Variants in SLC1A2 observed in about 807,000 individuals in gnomAD.
SLC1A2 encodes the protein solute carrier family 1 member 2.
A neutral mutation model predicts 48.8 loss-of-function variants in SLC1A2; 15 were observed. The observed-to-expected ratio is 0.31, with a 90% CI of 0.21 to 0.47. The LOEUF (loss-of-function observed/expected upper bound fraction) is 0.47, where lower values mean the gene tolerates loss of function less well. Ranked by LOEUF, SLC1A2 falls within the 20% of genes least tolerant of loss-of-function variation. The pLI is 0.99. For synonymous variants in SLC1A2, 279 were observed against 272.6 expected, an observed-to-expected ratio of 1.02 and a Z score of -0.23; for missense variants, 502 against 730.5, an observed-to-expected ratio of 0.69 and a Z score of 3.61.
At position 35,301,652 on chromosome 11, in the gene SLC1A2, GA is replaced by G. The variant is rs776609023; in HGVS notation, c.731-8del. The G allele has an allele frequency of 6.2e-7, 1 of 1,612,632 alleles. No individual in the cohort carries two copies. The highest frequency in any genetic ancestry group is 8.5e-7 in the Non-Finnish European group (1 of 1,179,364). On this transcript the variant is annotated splice_region_variant and splice_polypyrimidine_tract_variant and intron_variant, in intron 5 of 10. Transcript: ENST00000278379. ...ATGAAAAACCCTATCAGACCTGTTGGATGAATCACATTACATAGAAGGACAA... is the reference window on the plus strand; with the variant it reads ...ATGAAAAACCCTATCAGACCTGTTGGTGAATCACATTACATAGAAGGACAA...
intron 9 of SLC1A2, among the ~76,000 whole-genome samples, chr11:35,269,008 C>T (rs1186325944): frequency 6.6e-6 from 1 of 152,292 alleles, no homozygotes; most frequent in South Asian, 2.1e-4. Context: ...CCCCAAAATT[C>T]ATATGACGAA....
intron 1 of SLC1A2, among the ~76,000 whole-genome samples, chr11:35,406,487 A>G (rs1855300664): frequency 6.6e-6 from 1 of 152,140 alleles, no homozygotes; most frequent in Non-Finnish European, 1.5e-5. Flanking sequence ...GGACCAAAGC[A>G]TGCTCCAGGA....
chr11:35,308,836 A>G (rs1313427863), intron 4 of SLC1A2, among the ~76,000 whole-genome samples: 1 of 152,154 alleles, frequency 6.6e-6, no homozygotes, highest in African/African-American at 2.4e-5. Context: ...GCAAAACCAT[A>G]AACTGACCTA....
At chr11:35,291,201 A>G (rs1192443422) in intron 7 of SLC1A2, among the ~76,000 whole-genome samples, 1 of 152,114 alleles carries the variant, frequency 6.6e-6, no homozygotes, top group Admixed American at 6.5e-5. Context: ...TAAAACAATG[A>G]TTGCAAGCTG....
chr11:35,287,299 AC>A (rs1850855651), intron 7 of SLC1A2, among the ~76,000 whole-genome samples: 1 of 151,890 alleles, frequency 6.6e-6, no homozygotes, highest in African/African-American at 2.4e-5. Flanking sequence ...AAAAAAAAAA[AC>A]AAAAGCCAGC....
intron 1 of SLC1A2, among the ~76,000 whole-genome samples, chr11:35,346,371 AG>A (rs2135059255): frequency 6.6e-6 from 1 of 152,202 alleles, no homozygotes; most frequent in Admixed American, 6.5e-5. Context: ...ACCCTTTATG[AG>A]CCTCCCCAAG....
chr11:35,280,009 A>C (rs1275610638), intron 9 of SLC1A2, among the ~76,000 whole-genome samples: 2 of 152,204 alleles, frequency 1.3e-5, no homozygotes. Context: ...TACCCATTTT[A>C]AGTGTGTGTT....
chr11:35,296,140 A>G (rs1309805107), intron 6 of SLC1A2, among the ~76,000 whole-genome samples: 1 of 152,198 alleles, frequency 6.6e-6, no homozygotes, highest in African/African-American at 2.4e-5. Context: ...AGCTCCAACT[A>G]CTTCAGGATC....
In SLC1A2 at chr11:35,261,454, G is replaced by A. The variant is rs564463228; in HGVS notation, c.1654-489C>T. 1.4e-4 allele frequency among the ~76,000 whole-genome samples: 22 copies of A among 152,208 alleles called. No individual in the cohort carries two copies. The South Asian group carries it at 4.1e-3, about 29-fold the overall frequency. ...ATGACATTTCAGCTGTGCCAAATAA[G>A]CTATCCCAGCTTTAAAGATTAAAAA... On this transcript the variant is annotated intron_variant, in intron 10 of 10. Coordinates refer to ENST00000278379, the MANE Select transcript of SLC1A2 (RefSeq NM_004171.4).
rs1282020994 is a variant in SLC1A2, at chr11:35,395,946, G to A, written c.17+23004C>T. On this transcript the variant is annotated intron_variant, in intron 1 of 10. Coordinates refer to ENST00000278379, the MANE Select transcript of SLC1A2 (RefSeq NM_004171.4). ...GCGGTGTTTGGTTTTTTGTTCTTGC[G>A]ATAGATTACTGAGAATGATGATTTC... Among the ~76,000 whole-genome samples the A allele has an allele frequency of 4.0e-5, 6 of 148,452 alleles. 1 individual carries two copies. The highest frequency in any genetic ancestry group is 1.3e-4 in the Admixed American group (2 of 14,954).
intron 1 of SLC1A2, among the ~76,000 whole-genome samples, chr11:35,356,679 A>G (rs1853481081): frequency 6.6e-6 from 1 of 152,238 alleles, no homozygotes; most frequent in Admixed American, 6.5e-5. Flanking sequence ...CTTGTCTTGA[A>G]ACAGACTAAG....
At chr11:35,371,070 T>C (rs1168905889) in intron 1 of SLC1A2, 1 of 984,612 alleles carries the variant, frequency 1.0e-6, no homozygotes, top group African/African-American at 1.8e-5. Flanking sequence ...TGGAGTTGAC[T>C]CATCTGTGTT....
chr11:35,314,917 A>T, intron 3 of SLC1A2, 106 bp downstream of exon 3: 1 of 762,862 alleles, frequency 1.3e-6, no homozygotes, highest in Non-Finnish European at 2.3e-6. Context: ...AAATGAAATG[A>T]CATAGACGAT....
chr11:35,331,029 G>T (rs1852408945), intron 1 of SLC1A2, among the ~76,000 whole-genome samples: 1 of 152,190 alleles, frequency 6.6e-6, no homozygotes, highest in African/African-American at 2.4e-5. Context: ...TTTACAAAAA[G>T]CCTCAGCAGA....
chr11:35,293,473 C>T (rs1427698216), intron 6 of SLC1A2, among the ~76,000 whole-genome samples: 1 of 152,270 alleles, frequency 6.6e-6, no homozygotes, highest in Admixed American at 6.5e-5. Flanking sequence ...TACTTTGGTC[C>T]TCACTCTTGG....
chr11:35,263,372 G>A (rs931659852), intron 10 of SLC1A2, among the ~76,000 whole-genome samples: 2 of 152,118 alleles, frequency 1.3e-5, no homozygotes, highest in African/African-American at 4.8e-5. Context: ...AGAGGCTGAG[G>A]CAGGAGAATT....
At chr11:35,380,556 T>C (rs917848598) in intron 1 of SLC1A2, 1 of 397,070 alleles carries the variant, frequency 2.5e-6, no homozygotes, top group Non-Finnish European at 4.4e-6. Context: ...AAAAAGACAG[T>C]GCAAACACTT....
rs886811871 is a variant in SLC1A2, at chr11:35,374,198, C to T, written c.17+44752G>A. 3.7e-5 allele frequency: 18 copies of T among 491,268 alleles called. 1 individual carries two copies. In the East Asian group the frequency reaches 5.2e-4, roughly 14 times the overall value. 30.4% of individuals were successfully genotyped at this position (491,268 alleles called of 1,614,324 possible). A position where few individuals can be genotyped will look rare whatever the true frequency, so the allele number is the denominator to read the frequency against. On this transcript the variant is annotated intron_variant, in intron 1 of 10. Coordinates refer to ENST00000278379, the MANE Select transcript of SLC1A2 (RefSeq NM_004171.4). ...TAGGTGATTCTACCACAGCCTCCCT[C>T]GCTCTGTGACTTGCTGGCTTTGAAT... is the stretch of plus-strand genomic sequence containing the variant.
chr11:35,389,123 T>C (rs79473590), intron 1 of SLC1A2, among the ~76,000 whole-genome samples: 18,584 of 151,862 alleles, frequency 0.12, 1,289 homozygotes, highest in Middle Eastern at 0.21. Context: ...AATATGTAGA[T>C]GACCAAAAAC....
Sources: gnomAD v4.1 joint callset for allele counts (sites outside exome capture counted in the v4.1 genomes callset) on GRCh38, gnomAD v4.1.1 for gene constraint, MANE v1.5 for transcripts, NCBI Gene and HGNC (gene_info 2026-07-23, HGNC 2026-07-21) for gene names.